Variants in EML4 observed in about 807,000 individuals in gnomAD.
EML4 encodes the protein echinoderm microtubule-associated protein-like 4.
Under a neutral mutation model 129.0 loss-of-function variants are expected in EML4, and 72 were observed. That is an observed-to-expected ratio of 0.56 (90% CI 0.46 to 0.68). EML4 has a LOEUF of 0.68. EML4 is among the 30% of genes least tolerant of loss of function. The pLI is 0.00. For synonymous variants in EML4, 532 were observed against 405.0 expected (o/e 1.31, Z -3.77); for missense variants, 1,363 against 1,190.6 (o/e 1.14, Z -2.13).
At chr2:42,326,311 T>C (rs1669810089) in intron 21 of EML4, 59 bp downstream of exon 21, 2 of 1,138,994 alleles carry the variant, frequency 1.8e-6, no homozygotes, top group South Asian at 2.8e-5. Context: ...ATATAATATT[T>C]ACTTGCTTAA....
intron 2 of EML4, among the ~76,000 whole-genome samples, chr2:42,254,851 C>G (rs1479494992): frequency 6.6e-6 from 1 of 151,982 alleles, no homozygotes; most frequent in East Asian, 1.9e-4. Flanking sequence ...TTTATGGCAG[C>G]ACTATTCCCA....
In EML4 at chr2:42,316,065, TCC is replaced by T; in HGVS notation, c.2056+17_2056+18del. ...CTACTCAATAGGTAGGCAAATTTAC[TCC>T]CACCTCCCAAGCATGGCATTCACAG... is the stretch of plus-strand genomic sequence containing the variant. On this transcript the variant is annotated intron_variant, in intron 18 of 22. Coordinates refer to ENST00000318522, the MANE Select transcript of EML4 (RefSeq NM_019063.5). 6.4e-7 allele frequency: 1 copy of T among 1,574,746 alleles called. No homozygotes were observed. Among genetic ancestry groups the T allele is most frequent in the Non-Finnish European group, 8.7e-7 (1 of 1,144,916 alleles).
intron 1 of EML4, among the ~76,000 whole-genome samples, chr2:42,213,548 A>G (rs912170681): frequency 6.6e-6 from 1 of 152,232 alleles, no homozygotes; most frequent in Non-Finnish European, 1.5e-5. Context: ...TTAATGATTG[A>G]ATCTTTCCAT....
At chr2:42,283,283 T>G (rs1667115588) in intron 8 of EML4, among the ~76,000 whole-genome samples, 1 of 152,198 alleles carries the variant, frequency 6.6e-6, no homozygotes, top group Non-Finnish European at 1.5e-5. Flanking sequence ...ACTGGACATT[T>G]TCAGGTTTCT....
At position 42,256,687 on chromosome 2, in the gene EML4, G is replaced by C; in HGVS notation, c.338+57G>C. 3.8e-6 allele frequency: 6 copies of C among 1,591,564 alleles called. No individual in the cohort carries two copies. The South Asian group carries it at 5.6e-5, about 15-fold the overall frequency. ...ATTGCAGAATTGTCTGAATGTGGTA[G>C]AGATCTCCCTTTAGAAAGAATATGA... is the stretch of plus-strand genomic sequence containing the variant. On this transcript the variant is annotated intron_variant, in intron 3 of 22. Transcript: ENST00000318522.
chr2:42,329,588 T>C, intron 22 of EML4, 146 bp from the exon 23 acceptor site: 2 of 639,320 alleles, frequency 3.1e-6, no homozygotes, highest in South Asian at 2.0e-5. Context: ...CTAGCCTTAC[T>C]CCTGAGATTT....
intron 1 of EML4, among the ~76,000 whole-genome samples, chr2:42,236,467 T>C (rs1418265137): frequency 2.0e-5 from 3 of 152,248 alleles, no homozygotes; most frequent in African/African-American, 7.2e-5. Flanking sequence ...AGGCCACCTG[T>C]TTTATAAATG....
intron 21 of EML4, 126 bp from the exon 22 acceptor site, chr2:42,328,760 G>A: frequency 4.3e-6 from 3 of 702,992 alleles, no homozygotes; most frequent in South Asian, 2.9e-5. Context: ...TAAAGGAAAT[G>A]TTAACAGCTA....
chr2:42,310,310 CCCCTTT>C (rs909295797), intron 17 of EML4, among the ~76,000 whole-genome samples: 4 of 151,238 alleles, frequency 2.6e-5, no homozygotes, highest in Admixed American at 1.3e-4. Context: ...CCTTTCCCTT[CCCCTTT>C]CCCTTTCCCT....
intron 19 of EML4, chr2:42,325,169 G>A (rs1558614051): frequency 1.9e-6 from 1 of 530,458 alleles, no homozygotes; most frequent in African/African-American, 1.9e-5. Flanking sequence ...GCCAGAGGGT[G>A]TGGTATGTGT....
intron 1 of EML4, among the ~76,000 whole-genome samples, chr2:42,203,202 T>G (rs894683081): frequency 3.3e-5 from 5 of 152,220 alleles, no homozygotes; most frequent in Admixed American, 1.3e-4. Context: ...TTGTGTCCCA[T>G]AAGTACATAT....
chr2:42,230,824 A>T (rs955115626), intron 1 of EML4, among the ~76,000 whole-genome samples: 18 of 152,180 alleles, frequency 1.2e-4, no homozygotes, highest in African/African-American at 4.3e-4. Context: ...TCATTCTTAG[A>T]TAAAAGTATC....
chr2:42,320,897 C>G (rs867939670), intron 19 of EML4, among the ~76,000 whole-genome samples: 2 of 151,870 alleles, frequency 1.3e-5, no homozygotes, highest in Non-Finnish European at 2.9e-5. Context: ...TTGGAGTAGG[C>G]AAGAAGTGCT....
chr2:42,283,010 C>T, intron 8 of EML4, 38 bp downstream of exon 8: 1 of 1,532,826 alleles, frequency 6.5e-7, no homozygotes, highest in Admixed American at 2.2e-5. Flanking sequence ...TTTGTTCTTT[C>T]AGGCCCTCAT....
intron 3 of EML4, among the ~76,000 whole-genome samples, chr2:42,256,852 G>A (rs889094486): frequency 5.3e-5 from 8 of 152,118 alleles, no homozygotes; most frequent in Admixed American, 1.3e-4. Flanking sequence ...TCTCACTAAA[G>A]AAAGAAAGCA....
intron 11 of EML4, among the ~76,000 whole-genome samples, chr2:42,292,347 A>G (rs1486817974): frequency 1.3e-5 from 2 of 152,252 alleles, no homozygotes; most frequent in East Asian, 1.9e-4. Flanking sequence ...TGTTTATGGT[A>G]GCCAAAAACA....
rs149531592 is a variant in EML4, at chr2:42,316,392, CTTTA to C, written c.2056+348_2056+351del. Among the ~76,000 whole-genome samples, 873 of 152,274 alleles carry C rather than the reference CTTTA, an allele frequency of 5.7e-3. 12 individuals carry two copies. Among genetic ancestry groups the C allele is most frequent in the African/African-American group, 0.02 (826 of 41,556 alleles). ...TGTCACATCTGGTTAGCAAGCTTTT[CTTTA>C]TTTATAAGAGAATGTAAAAGAAATT... On this transcript the variant is annotated intron_variant, in intron 18 of 22. Coordinates refer to ENST00000318522, the MANE Select transcript of EML4 (RefSeq NM_019063.5).
intron 1 of EML4, among the ~76,000 whole-genome samples, chr2:42,201,198 A>G (rs945381749): frequency 6.6e-6 from 1 of 152,226 alleles, no homozygotes; most frequent in Admixed American, 6.5e-5. Flanking sequence ...AAATCTAGCT[A>G]TTAAGTAAAT....
At chr2:42,280,265 C>G (rs1666932664) in intron 6 of EML4, among the ~76,000 whole-genome samples, 2 of 152,288 alleles carry the variant, frequency 1.3e-5, no homozygotes, top group South Asian at 4.1e-4. Flanking sequence ...AATGTGTCAA[C>G]TTAGATAAAT....
Sources: gnomAD v4.1 joint callset for allele counts (sites outside exome capture counted in the v4.1 genomes callset) on GRCh38, gnomAD v4.1.1 for gene constraint, MANE v1.5 for transcripts, NCBI Gene and HGNC (gene_info 2026-07-23, HGNC 2026-07-21) for gene names.